NTF3: variants seen among roughly 807,000 people sequenced by gnomAD.
NTF3 encodes the protein neurotrophin-3.
A neutral mutation model predicts 26.3 loss-of-function variants in NTF3; 8 were observed. That is an observed-to-expected ratio of 0.30 (90% confidence interval 0.18 to 0.55). The LOEUF (loss-of-function observed/expected upper bound fraction) is 0.55, where lower values mean the gene tolerates loss of function less well. Ranked by LOEUF, NTF3 falls within the 20% of genes least tolerant of loss-of-function variation. The pLI, the probability that NTF3 is intolerant of heterozygous loss-of-function variation, is 0.93. For missense variants in NTF3, 276 were observed against 352.9 expected (o/e 0.78, Z 1.75); for synonymous variants, 154 against 145.5 (o/e 1.06, Z -0.42).
rs1481156940 is a variant in NTF3 at position 5,433,076 on chromosome 12, A to T, written c.18+734A>T. On this transcript the variant is annotated intron_variant, in intron 1 of 1. Coordinates refer to ENST00000423158, the MANE Select transcript of NTF3 (RefSeq NM_001102654.2). This position sits in a 1 kb window ranked among gnomAD's most constrained non-coding sequence, Gnocchi z 4.6. The stretch of plus-strand genomic sequence containing the variant: ...CGTACCTGCGTTGGAGTTCCCCGAA[A>T]GGGTTTTTTCAGAAAAGACCTCGCG... 1 of 152,282 alleles carries T rather than the reference A, an allele frequency of 6.6e-6. No homozygotes were observed. Among genetic ancestry groups the T allele is most frequent in the Non-Finnish European group, 1.5e-5 (1 of 68,090 alleles). 9.4% of individuals were successfully genotyped at this position (152,282 alleles called of 1,614,324 possible).
chr12:5,468,652 G>T (rs1048613383), intron 1 of NTF3, among the ~76,000 whole-genome samples: 2 of 152,202 alleles, frequency 1.3e-5, no homozygotes, highest in African/African-American at 4.8e-5. Context: ...GAGCTTAATG[G>T]TAGCCTCTCA....
At chr12:5,432,886 A>T (rs1425367867) in intron 1 of NTF3, among the ~76,000 whole-genome samples, 4 of 151,674 alleles carry the variant, frequency 2.6e-5, no homozygotes, top group Admixed American at 2.6e-4. Flanking sequence ...GTGCCGCGGC[A>T]GCTCCCCTGC....
chr12:5,443,664 T>A (rs1207403629), intron 1 of NTF3, among the ~76,000 whole-genome samples: 1 of 152,170 alleles, frequency 6.6e-6, no homozygotes, highest in African/African-American at 2.4e-5. Context: ...CCATGATTGT[T>A]TTTATGGAGG....
chr12:5,485,019 T>C (rs911131765), intron 1 of NTF3, among the ~76,000 whole-genome samples: 1 of 152,252 alleles, frequency 6.6e-6, no homozygotes, highest in Non-Finnish European at 1.5e-5. Flanking sequence ...CTGTCCCACC[T>C]TCAACGCTCC....
chr12:5,488,220 C>T (rs1565397202), intron 1 of NTF3, among the ~76,000 whole-genome samples: 1 of 152,208 alleles, frequency 6.6e-6, no homozygotes, highest in Non-Finnish European at 1.5e-5. Context: ...TCCATTGTAA[C>T]CCCAGTGAGT....
rs1287925619 is a variant in NTF3, at chr12:5,494,427, G to A, written c.252G>A (p.Glu84=). The part of the protein sequence containing the change: ...STLPKAEAPR[E]PERGGPAKSA... ...TGCCCAAAGCTGAGGCTCCCCGAGA[G>A]CCGGAGCGGGGAGGGCCCGCCAAGT... The change falls in exon 2 of 2, where the codon GAG becomes GAA. Residue 84 remains glutamate, a synonymous_variant. Coordinates refer to ENST00000423158, the MANE Select transcript of NTF3 (RefSeq NM_001102654.2). This position sits in a 1 kb window ranked among gnomAD's most constrained non-coding sequence, Gnocchi z 8.3. 6.2e-6 allele frequency: 10 copies of A among 1,612,534 alleles called. No individual in the cohort carries two copies. The highest frequency in any genetic ancestry group is 8.5e-6 in the Non-Finnish European group (10 of 1,180,008).
At position 5,467,091 on chromosome 12, in the gene NTF3, G is replaced by A. The variant is rs113520749; in HGVS notation, c.19-27103G>A. ...CTAAAAATACAAAAATTAGCCAGGC[G>A]TACTGGCAGGCGCCGGTAATCCCAG... On this transcript the variant is annotated intron_variant, in intron 1 of 1. Transcript: ENST00000423158. Among the ~76,000 whole-genome samples, 768 of 151,996 alleles carry A rather than the reference G, an allele frequency of 5.1e-3. 3 individuals are homozygous for A. Among genetic ancestry groups the A allele is most frequent in the African/African-American group, 0.018 (728 of 41,450 alleles).
At chr12:5,467,835 T>G (rs1342482037) in intron 1 of NTF3, among the ~76,000 whole-genome samples, 2 of 152,204 alleles carry the variant, frequency 1.3e-5, no homozygotes, top group African/African-American at 2.4e-5. Flanking sequence ...TCCTGTTCTC[T>G]TCCCTCCTTC....
intron 1 of NTF3, among the ~76,000 whole-genome samples, chr12:5,476,834 G>A (rs1359042405): frequency 2.0e-5 from 3 of 152,182 alleles, no homozygotes; most frequent in African/African-American, 7.2e-5. Context: ...GTAATAGTAA[G>A]TGAAATAAGA....
intron 1 of NTF3, among the ~76,000 whole-genome samples, chr12:5,490,100 A>G (rs1387174729): frequency 4.6e-5 from 7 of 152,164 alleles, no homozygotes; most frequent in Admixed American, 4.6e-4. Context: ...GGTCTTTAAC[A>G]GGTCTTTTTC....
At chr12:5,485,930 G>T (rs1940861346) in intron 1 of NTF3, among the ~76,000 whole-genome samples, 1 of 152,176 alleles carries the variant, frequency 6.6e-6, no homozygotes, top group Non-Finnish European at 1.5e-5. Flanking sequence ...GAGCATGATG[G>T]CGGCCACAGG....
intron 1 of NTF3, among the ~76,000 whole-genome samples, chr12:5,452,512 T>G (rs1591595346): frequency 6.6e-6 from 1 of 152,258 alleles, no homozygotes; most frequent in African/African-American, 2.4e-5. Flanking sequence ...GTCACACTTT[T>G]TATACTACAG....
rs566744037 is a variant in NTF3, at chr12:5,486,494, A to G, written c.19-7700A>G. On this transcript the variant is annotated intron_variant, in intron 1 of 1. Transcript: ENST00000423158. ...TATTAATTATAATTATTGAAAATCA[A>G]TTACTCAGCAGCCCCTACCTTGTAA... Among the ~76,000 whole-genome samples, 155 of 152,344 alleles carry G rather than the reference A, an allele frequency of 1.0e-3. 1 individual carries two copies. Among genetic ancestry groups the G allele is most frequent in the Non-Finnish European group, 1.7e-3 (119 of 68,038 alleles).
chr12:5,447,130 C>T (rs1211897587), intron 1 of NTF3, among the ~76,000 whole-genome samples: 1 of 152,194 alleles, frequency 6.6e-6, no homozygotes, highest in Admixed American at 6.5e-5. Context: ...GTACCTGCCA[C>T]CATCACCCCA....
intron 1 of NTF3, among the ~76,000 whole-genome samples, chr12:5,438,162 A>C (rs1284553941): frequency 1.3e-5 from 2 of 152,168 alleles, no homozygotes. Context: ...CTGGACAAAA[A>C]AAAAAAAAGT....
chr12:5,463,109 G>C (rs1272057851), intron 1 of NTF3, among the ~76,000 whole-genome samples: 1 of 152,160 alleles, frequency 6.6e-6, no homozygotes, highest in African/African-American at 2.4e-5. Flanking sequence ...CCTTCTTCAA[G>C]ACAATATTAG....
chr12:5,463,516 G>A (rs768371859), intron 1 of NTF3, among the ~76,000 whole-genome samples: 3 of 152,146 alleles, frequency 2.0e-5, no homozygotes, highest in Non-Finnish European at 2.9e-5. Context: ...AGGGTTATAG[G>A]TGGACAGGCA....
chr12:5,494,701 T>C lies in NTF3; in HGVS notation c.526T>C (p.Ser176Pro), dbSNP rs1270893590. The change falls in exon 2 of 2, where the codon TCA becomes CCA. Residue 176 changes from serine to proline, a missense_variant. Physicochemically the swap from Ser to Pro is moderately conservative, Grantham distance 74. Coordinates refer to ENST00000423158, the MANE Select transcript of NTF3 (RefSeq NM_001102654.2). The surrounding 1 kb of genome is among the most constrained non-coding windows in gnomAD (Gnocchi z 8.3). ...TGAGAGTCTGTGGGTGACCGACAAG[T>C]CATCGGCCATCGACATTCGGGGACA... ...DSESLWVTDK[S>P]SAIDIRGHQV... 1 of 1,613,948 alleles carries C rather than the reference T, an allele frequency of 6.2e-7. No homozygotes were observed. The highest frequency in any genetic ancestry group is 2.2e-5 in the East Asian group (1 of 44,882).
upstream of NTF3, among the ~76,000 whole-genome samples, chr12:5,430,406 C>G (rs897286139): frequency 1.3e-5 from 2 of 151,786 alleles, no homozygotes; most frequent in African/African-American, 4.8e-5. Context: ...CTGAGGAAGA[C>G]GTCGATATTT....
Sources: gnomAD v4.1 joint callset for allele counts (sites outside exome capture counted in the v4.1 genomes callset) on GRCh38, gnomAD v4.1.1 for gene constraint, Gnocchi (gnomAD v3.1) non-coding constraint, MANE v1.5 for transcripts, NCBI Gene and HGNC (gene_info 2026-07-23, HGNC 2026-07-21) for gene names.